EFCAB11: variants seen among roughly 807,000 people sequenced by gnomAD.
EFCAB11 encodes EF-hand calcium-binding domain-containing protein 11.
EFCAB11 carries 14 observed loss-of-function variants against 23.0 expected under a neutral mutation model. The ratio of observed to expected loss-of-function variants is 0.61; its 90% CI spans 0.40 to 0.95. The LOEUF (loss-of-function observed/expected upper bound fraction) is 0.95. Ranked by LOEUF, EFCAB11 falls within the 40% of genes least tolerant of loss-of-function variation. EFCAB11 has a pLI of 0.00. For synonymous variants in EFCAB11, 65 were observed against 66.6 expected (o/e 0.98, Z 0.11); for missense variants, 198 against 195.8 (o/e 1.01, Z -0.07).
At chr14:89,916,886 A>G (rs1470473209) in intron 5 of EFCAB11, among the ~76,000 whole-genome samples, 1 of 152,238 alleles carries the variant, frequency 6.6e-6, no homozygotes, top group Non-Finnish European at 1.5e-5. Context: ...ATCCTTTAAC[A>G]TGACTCATGT....
chr14:89,820,857 G>A (rs1393268464), intron 5 of EFCAB11, among the ~76,000 whole-genome samples: 1 of 151,522 alleles, frequency 6.6e-6, no homozygotes, highest in Non-Finnish European at 1.5e-5. Flanking sequence ...TTGCTATGAA[G>A]GTAATTTTTA....
At chr14:89,802,190 C>T (rs1457709965) in intron 5 of EFCAB11, among the ~76,000 whole-genome samples, 5 of 134,074 alleles carry the variant, frequency 3.7e-5, no homozygotes, top group African/African-American at 1.4e-4. Flanking sequence ...AGAGTACTTG[C>T]TTTTACCCAA....
chr14:89,865,727 C>T (rs765336336), intron 5 of EFCAB11, among the ~76,000 whole-genome samples: 4 of 152,022 alleles, frequency 2.6e-5, no homozygotes, highest in African/African-American at 4.8e-5. Context: ...TGCAGTGGCG[C>T]GATCTCAGCA....
At chr14:89,837,053 A>G in intron 5 of EFCAB11, 1 of 456,630 alleles carries the variant, frequency 2.2e-6, no homozygotes, top group Non-Finnish European at 4.4e-6. Flanking sequence ...GTGTGCCTGA[A>G]TGATGGAGTC....
intron 5 of EFCAB11, among the ~76,000 whole-genome samples, chr14:89,908,008 A>C (rs1889550966): frequency 6.6e-6 from 1 of 152,198 alleles, no homozygotes; most frequent in Non-Finnish European, 1.5e-5. Context: ...AGCTATTTTT[A>C]TCACTCCCTC....
chr14:89,905,550 C>T (rs916642694), intron 5 of EFCAB11, among the ~76,000 whole-genome samples: 4 of 152,178 alleles, frequency 2.6e-5, no homozygotes, highest in African/African-American at 9.7e-5. Flanking sequence ...CAGTCTCATG[C>T]TGAGGAAGGG....
At chr14:89,939,960 A>C (rs1195816473) in intron 3 of EFCAB11, among the ~76,000 whole-genome samples, 1 of 152,100 alleles carries the variant, frequency 6.6e-6, no homozygotes, top group Non-Finnish European at 1.5e-5. Context: ...GCTGGTCTTG[A>C]ACTCCTGACC....
chr14:89,936,531 A>G (rs1890589094), intron 3 of EFCAB11, among the ~76,000 whole-genome samples: 1 of 152,234 alleles, frequency 6.6e-6, no homozygotes, highest in Non-Finnish European at 1.5e-5. Context: ...TTTCCCACAC[A>G]ATCATATGCT....
intron 5 of EFCAB11, among the ~76,000 whole-genome samples, chr14:89,841,547 A>G (rs1887270358): frequency 6.6e-6 from 1 of 151,912 alleles, no homozygotes; most frequent in Non-Finnish European, 1.5e-5. Context: ...TGACTCAACA[A>G]CTACCTCCTC....
In EFCAB11 at chr14:89,950,153, G is replaced by A. The variant is rs766711813; in HGVS notation, c.172-11C>T. On this transcript the variant is annotated splice_polypyrimidine_tract_variant and intron_variant, in intron 2 of 5. Coordinates refer to ENST00000316738, the MANE Select transcript of EFCAB11 (RefSeq NM_145231.4). The stretch of plus-strand genomic sequence containing the variant: ...AGAATCCACTTCTATCTAGAAAAGA[G>A]GAAAAAATAATAGAACATGTAATTT... 1 of 1,551,572 alleles carries A rather than the reference G, an allele frequency of 6.4e-7. No homozygotes were observed. The highest frequency in any genetic ancestry group is 1.4e-5 in the African/African-American group (1 of 73,322).
chr14:89,954,108 T>C (rs566837896), intron 1 of EFCAB11, 107 bp from the exon 2 acceptor site: 7 of 987,486 alleles, frequency 7.1e-6, no homozygotes, highest in Non-Finnish European at 1.5e-6. Context: ...GGCCCAGCGG[T>C]AGAGTATGAA....
At chr14:89,941,596 T>G (rs75360432) in intron 3 of EFCAB11, among the ~76,000 whole-genome samples, 1 of 151,632 alleles carries the variant, frequency 6.6e-6, no homozygotes, top group Non-Finnish European at 1.5e-5. Flanking sequence ...TTTTTTTTTT[T>G]TCAGAGATAT....
chr14:89,944,621 T>G (rs1450500526), intron 3 of EFCAB11, among the ~76,000 whole-genome samples: 3 of 152,042 alleles, frequency 2.0e-5, no homozygotes, highest in Non-Finnish European at 4.4e-5. Context: ...CAAAAAACCC[T>G]AATGAAAAAA....
At chr14:89,881,949 T>C (rs1223405427) in intron 5 of EFCAB11, among the ~76,000 whole-genome samples, 1 of 152,240 alleles carries the variant, frequency 6.6e-6, no homozygotes, top group Non-Finnish European at 1.5e-5. Context: ...TAGGGTTACA[T>C]AAGCAATGTA....
chr14:89,880,773 G>T (rs969203317), intron 5 of EFCAB11, among the ~76,000 whole-genome samples: 7 of 152,128 alleles, frequency 4.6e-5, no homozygotes, highest in Non-Finnish European at 1.0e-4. Context: ...ACTTATCTTG[G>T]TTATTTCACT....
chr14:89,882,241 T>C (rs1888624257), intron 5 of EFCAB11, among the ~76,000 whole-genome samples: 3 of 152,226 alleles, frequency 2.0e-5, no homozygotes, highest in African/African-American at 4.8e-5. Context: ...AAACTCTTCA[T>C]TGAGAGGTTC....
intron 3 of EFCAB11, among the ~76,000 whole-genome samples, chr14:89,939,114 C>G (rs1890700693): frequency 6.6e-6 from 1 of 152,012 alleles, no homozygotes; most frequent in African/African-American, 2.4e-5. Flanking sequence ...TCCTCAGTGT[C>G]AAACACCACA....
intron 5 of EFCAB11, among the ~76,000 whole-genome samples, chr14:89,869,467 C>T (rs926790719): frequency 5.9e-5 from 9 of 152,166 alleles, no homozygotes; most frequent in African/African-American, 1.9e-4. Context: ...AACTGTAAGA[C>T]ATTCTCACTT....
intron 5 of EFCAB11, among the ~76,000 whole-genome samples, chr14:89,898,606 C>A (rs1046396795): frequency 2.6e-5 from 4 of 151,494 alleles, no homozygotes; most frequent in Non-Finnish European, 5.9e-5. Flanking sequence ...GTCAAGTGAT[C>A]CACCCACCTT....
Sources: gnomAD v4.1 joint callset for allele counts (sites outside exome capture counted in the v4.1 genomes callset) on GRCh38, gnomAD v4.1.1 for gene constraint, MANE v1.5 for transcripts, NCBI Gene and HGNC (gene_info 2026-07-23, HGNC 2026-07-21) for gene names.